GMIP: variants seen among roughly 807,000 people sequenced by gnomAD.
GMIP encodes GEM interacting protein, also known as GEM-interacting protein.
A neutral mutation model predicts 105.3 loss-of-function variants in GMIP; 54 were observed. The observed-to-expected ratio is 0.51, with a 90% CI of 0.41 to 0.64. The LOEUF (loss-of-function observed/expected upper bound fraction) is 0.64, where lower values mean the gene tolerates loss of function less well. GMIP is among the 30% of genes least tolerant of loss of function. The pLI, the probability that GMIP is intolerant of heterozygous loss-of-function variation, is 0.00. For missense variants in GMIP, 1,110 were observed against 1,319.4 expected (o/e 0.84, Z 2.46); for synonymous variants, 541 against 560.8 (o/e 0.96, Z 0.50).
At chr19:19,641,373 G>A (rs951703365) in intron 4 of GMIP, among the ~76,000 whole-genome samples, 2 of 152,032 alleles carry the variant, frequency 1.3e-5, no homozygotes, top group African/African-American at 2.4e-5. Flanking sequence ...GAGCCACTGC[G>A]TCCGGCCTTG....
Position 19,643,492 on chromosome 19 carries a change from C to CG in GMIP, c.19+18dup. On this transcript the variant is annotated intron_variant, in intron 1 of 20. Transcript: ENST00000203556. ...GGGGATGGTCGGGGGAGGCCCCTCC[C>CG]GGATCCCCGACCCCCTACCCGGCTC... is the stretch of plus-strand genomic sequence containing the variant. 6.5e-7 allele frequency: 1 copy of CG among 1,544,162 alleles called. No individual in the cohort carries two copies. Among genetic ancestry groups the CG allele is most frequent in the Non-Finnish European group, 8.8e-7 (1 of 1,142,296 alleles).
rs754253637 is a variant in GMIP, at chr19:19,638,438, C to G, written c.582G>C (p.Glu194Asp). The G allele has an allele frequency of 2.5e-6, 4 of 1,614,100 alleles. No homozygotes were observed. Among genetic ancestry groups the G allele is most frequent in the Non-Finnish European group, 3.4e-6 (4 of 1,180,044 alleles). Residue 194 changes from glutamate (E) to aspartate (D), a missense_variant, in exon 8 of 21, where the codon GAG (glutamate) becomes GAC (aspartate). Physicochemically the swap from Glu to Asp is conservative, Grantham distance 45 (BLOSUM62 2). This residue lies in a region of GMIP where 667 missense variants were observed against 773.2 expected (regional missense o/e 0.86). Coordinates refer to ENST00000203556, the MANE Select transcript of GMIP (RefSeq NM_016573.4). ...KRTEIEKWRK[E>D]FKEQWMKEQK... ...GCTCCTTCATCCACTGCTCCTTGAA[C>G]TCCTTCCGCCACTTCTCAATCTCAG...
Position 19,635,606 on chromosome 19 carries a change from G to A in GMIP, c.1406-37C>T. The stretch of plus-strand genomic sequence containing the variant: ...CAGGGTCAGGAGTGCCTGGTGCCCT[G>A]CCCTGTCCCATCCTGACCTACCCTG... On this transcript the variant is annotated intron_variant, in intron 14 of 20. Transcript: ENST00000203556. The surrounding 1 kb of genome is among the most constrained non-coding windows in gnomAD (Gnocchi z 4.7). 6.2e-7 allele frequency: 1 copy of A among 1,613,650 alleles called. No individual in the cohort carries two copies. The highest frequency in any genetic ancestry group is 1.1e-5 in the South Asian group (1 of 91,076).
At position 19,634,486 on chromosome 19, in the gene GMIP, G is replaced by C; in HGVS notation, c.2084+21C>G. 6.3e-7 allele frequency: 1 copy of C among 1,580,344 alleles called. No homozygotes were observed. Among genetic ancestry groups the C allele is most frequent in the South Asian group, 1.2e-5 (1 of 86,276 alleles). On this transcript the variant is annotated intron_variant, in intron 18 of 20. Coordinates refer to ENST00000203556, the MANE Select transcript of GMIP (RefSeq NM_016573.4). This position sits in a 1 kb window ranked among gnomAD's most constrained non-coding sequence, Gnocchi z 6.1. ...TCCAGGGAAAAGGGTCGCGTTTCAA[G>C]GCTCAGGGACCCATGCACACCTGAA...
rs1208854513 is a variant in GMIP at position 19,630,311 on chromosome 19, T to C, written c.2565A>G (p.Ser855=). 1.9e-6 allele frequency: 3 copies of C among 1,541,860 alleles called. No individual in the cohort carries two copies. In the African/African-American group the frequency reaches 4.1e-5, roughly 21 times the overall value. ...GGCCACGAGACTGTGTCCCCAGGAG[T>C]GAGTCCTCTGGGCCTTGGCTGGACA... ...GEVSSQGPED[S]LLGTQSRGHF... Residue 855 remains serine, a synonymous_variant, in exon 21 of 21, where the codon TCA becomes TCG. Transcript: ENST00000203556. This position sits in a 1 kb window ranked among gnomAD's most constrained non-coding sequence, Gnocchi z 4.8.
rs2061825129 is a variant in GMIP, at chr19:19,634,118, C to T, written c.2157G>A (p.Leu719=). The change falls in exon 19 of 21, where the codon CTG becomes CTA. Residue 719 remains leucine, a synonymous_variant. Coordinates refer to ENST00000203556, the MANE Select transcript of GMIP (RefSeq NM_016573.4). This position sits in a 1 kb window ranked among gnomAD's most constrained non-coding sequence, Gnocchi z 6.1. Reference sequence around the variant, plus strand: ...CTGCCCGCGGGCCGTCCGGCGGCCGCAGCAGTGTCGGCCCAAACACAATGC... The same window carrying T: ...CTGCCCGCGGGCCGTCCGGCGGCCGTAGCAGTGTCGGCCCAAACACAATGC... The part of the protein sequence containing the change: ...NLGIVFGPTL[L]RPPDGPRAAS... 1 of 1,612,080 alleles carries T rather than the reference C, an allele frequency of 6.2e-7. No individual in the cohort carries two copies. The highest frequency in any genetic ancestry group is 1.3e-5 in the African/African-American group (1 of 74,908).
chr19:19,642,394 G>T, intron 2 of GMIP, 141 bp downstream of exon 2: 1 of 651,564 alleles, frequency 1.5e-6, no homozygotes, highest in East Asian at 2.6e-5. Context: ...GCATTTTGGA[G>T]GGTCCCATCC....
At position 19,635,205 on chromosome 19, in the gene GMIP, C is replaced by A. The variant is rs1191920031; in HGVS notation, c.1569G>T (p.Leu523=). Reference sequence around the variant, plus strand: ...TCTCCAGGCAGCGCTTGTGGCAGGTCAGAAAGCACTGTGGGGAAGGTCACA... The same window carrying A: ...TCTCCAGGCAGCGCTTGTGGCAGGTAAGAAAGCACTGTGGGGAAGGTCACA... The part of the protein sequence containing the change: ...VSGTECEECF[L]TCHKRCLETL... The change falls in exon 16 of 21, where the codon CTG becomes CTT. Residue 523 remains leucine, a synonymous_variant. Coordinates refer to ENST00000203556, the MANE Select transcript of GMIP (RefSeq NM_016573.4). This position sits in a 1 kb window ranked among gnomAD's most constrained non-coding sequence, Gnocchi z 4.7. 6.2e-7 allele frequency: 1 copy of A among 1,610,848 alleles called. No homozygotes were observed. Among genetic ancestry groups the A allele is most frequent in the Middle Eastern group, 1.7e-4 (1 of 6,050 alleles).
In GMIP at chr19:19,638,225, C is replaced by G; in HGVS notation, c.723G>C (p.Gln241His). 1 of 1,600,186 alleles carries G rather than the reference C, an allele frequency of 6.2e-7. No individual in the cohort carries two copies. The highest frequency in any genetic ancestry group is 8.5e-7 in the Non-Finnish European group (1 of 1,178,680). ...SQGSPEDSAPQASPGPSKQQE... is the reference protein window; with the variant it reads ...SQGSPEDSAPHASPGPSKQQE... ...GCTGCTTGCTAGGTCCCGGCGAGGC[C>G]TGGGGGGCCGAGTCCTCAGGGGACC... is the stretch of plus-strand genomic sequence containing the variant. The change falls in exon 9 of 21, where the codon CAG (glutamine) becomes CAC (histidine). Residue 241 changes from glutamine to histidine, a missense_variant. Physicochemically the swap from Gln to His is conservative, Grantham distance 24. This residue lies in a region of GMIP where 667 missense variants were observed against 773.2 expected (regional missense o/e 0.86). Coordinates refer to ENST00000203556, the MANE Select transcript of GMIP (RefSeq NM_016573.4).
rs763004177 is a variant in GMIP, at chr19:19,638,020, C to T, written c.827G>A (p.Arg276His). Residue 276 changes from arginine (R) to histidine (H), a missense_variant, in exon 10 of 21, where the codon CGC becomes CAC. This residue lies in a region of GMIP where 667 missense variants were observed against 773.2 expected (regional missense o/e 0.86). Transcript: ENST00000203556. Reference sequence around the variant, plus strand: ...GTCCTGCTGCCGCGCGTTGGCCTCGCGGACACAGGCCTGGTACAGCGCCTC... The same window carrying T: ...GTCCTGCTGCCGCGCGTTGGCCTCGTGGACACAGGCCTGGTACAGCGCCTC... ...EAEALYQACV[R>H]EANARQQDLE... is the part of the protein sequence containing the mutation. The T allele has an allele frequency of 2.2e-5, 35 of 1,604,408 alleles. No homozygotes were observed. The South Asian group carries it at 3.6e-4, about 16-fold the overall frequency.
intron 1 of GMIP, 118 bp downstream of exon 1, chr19:19,643,393 C>T: frequency 1.1e-5 from 10 of 952,098 alleles, no homozygotes; most frequent in Non-Finnish European, 1.6e-5. Flanking sequence ...TCCCTGGGTC[C>T]TTCCCATTCA....
At chr19:19,639,426 AC>A (rs1485579491) in intron 7 of GMIP, among the ~76,000 whole-genome samples, 1 of 151,836 alleles carries the variant, frequency 6.6e-6, no homozygotes, top group East Asian at 1.9e-4. Flanking sequence ...TCTTCTCCAG[AC>A]CTGCTCTCCC....
Position 19,634,245 on chromosome 19 carries a change from G to C in GMIP, c.2085-55C>G. The C allele has an allele frequency of 6.7e-7, 1 of 1,503,220 alleles. No homozygotes were observed. Among genetic ancestry groups the C allele is most frequent in the South Asian group, 1.3e-5 (1 of 78,364 alleles). 93.1% of individuals were successfully genotyped at this position (1,503,220 alleles called of 1,614,324 possible). On this transcript the variant is annotated intron_variant, in intron 18 of 20. Coordinates refer to ENST00000203556, the MANE Select transcript of GMIP (RefSeq NM_016573.4). This position sits in a 1 kb window ranked among gnomAD's most constrained non-coding sequence, Gnocchi z 6.1. ...GTACAGGATGCAAGCTCATTGGTCT[G>C]AGGGTAAGGGTGGGACACGCAGGCC...
In GMIP at chr19:19,642,058, G is replaced by A. The variant is rs2061927639; in HGVS notation, c.105-7C>T. ...AGCCAGCATCTCAAGGGTCCTGGGG[G>A]ATAAAGGTGTGTCAGGATGCCACCT... On this transcript the variant is annotated splice_polypyrimidine_tract_variant and splice_region_variant and intron_variant, in intron 2 of 20. Coordinates refer to ENST00000203556, the MANE Select transcript of GMIP (RefSeq NM_016573.4). 1.2e-6 allele frequency: 2 copies of A among 1,606,046 alleles called. No individual in the cohort carries two copies. Among genetic ancestry groups the A allele is most frequent in the South Asian group, 1.1e-5 (1 of 90,708 alleles).
intron 2 of GMIP, 38 bp from the exon 3 acceptor site, chr19:19,642,089 CCA>C: frequency 7.0e-7 from 1 of 1,420,896 alleles, no homozygotes; most frequent in Non-Finnish European, 9.9e-7. Context: ...CACCTTACAC[CCA>C]GTCTGTCCTG....
chr19:19,631,952 C>T (rs1269960312), intron 19 of GMIP, among the ~76,000 whole-genome samples: 1 of 146,142 alleles, frequency 6.8e-6, no homozygotes, highest in African/African-American at 2.6e-5. Flanking sequence ...GGCACCACTG[C>T]ACTCTAGCCT....
chr19:19,641,014 G>A (rs753925583), intron 4 of GMIP, among the ~76,000 whole-genome samples: 3 of 152,128 alleles, frequency 2.0e-5, no homozygotes, highest in African/African-American at 4.8e-5. Context: ...TGATCTGCCC[G>A]CCTCGGCCTC....
At position 19,630,242 on chromosome 19, in the gene GMIP, C is replaced by T; in HGVS notation, c.2634G>A (p.Arg878=). The change falls in exon 21 of 21, where the codon AGG becomes AGA. Residue 878 remains arginine (R), a synonymous_variant. Transcript: ENST00000203556. The surrounding 1 kb of genome is among the most constrained non-coding windows in gnomAD (Gnocchi z 4.8). ...QPVKYPRGGV[R]PVTHQLSSLA... is the part of the protein sequence containing the mutation. ...GACTGGACAGCTGGTGGGTTACAGG[C>T]CTCACACCGCCCCGGGGATACTTCA... 6.3e-7 allele frequency: 1 copy of T among 1,581,420 alleles called. No individual in the cohort carries two copies. Among genetic ancestry groups the T allele is most frequent in the East Asian group, 2.3e-5 (1 of 44,386 alleles).
chr19:19,629,971 G>T lies in GMIP; in HGVS notation c.2905C>A (p.His969Asn). The change falls in exon 21 of 21, where the codon CAT (histidine) becomes AAT (asparagine). Residue 969 changes from histidine to asparagine, a missense_variant. Coordinates refer to ENST00000203556, the MANE Select transcript of GMIP (RefSeq NM_016573.4). Reference sequence around the variant, plus strand: ...TTAAGGTGCCAGGGTGGTCAGAGATGGTCCTCGGCTTCCTCAGGCTGGACG... The same window carrying T: ...TTAAGGTGCCAGGGTGGTCAGAGATTGTCCTCGGCTTCCTCAGGCTGGACG... ...PDVQPEEAED[H>N]L is the part of the protein sequence containing the mutation. 1 of 1,608,612 alleles carries T rather than the reference G, an allele frequency of 6.2e-7. No individual in the cohort carries two copies.
Sources: allele counts gnomAD v4.1 joint callset (sites outside exome capture counted in the v4.1 genomes callset), GRCh38; gene constraint gnomAD v4.1.1; regional missense constraint gnomAD v4.1.1; non-coding constraint Gnocchi (gnomAD v3.1); transcripts MANE v1.5; gene names NCBI Gene and HGNC (gene_info 2026-07-23, HGNC 2026-07-21).